The following RAPGEF1 variants were observed in gnomAD, a reference collection of about 807,000 sequenced individuals.
RAPGEF1 encodes the protein CRK SH3-binding GNRP.
A neutral mutation model predicts 143.3 loss-of-function variants in RAPGEF1; 33 were observed. The observed-to-expected ratio is 0.23, with a 90% CI of 0.17 to 0.31. The LOEUF is 0.31. Ranked by LOEUF, RAPGEF1 falls within the 10% of genes least tolerant of loss-of-function variation. The probability of loss-of-function intolerance (pLI) is 1.00; values close to 1 mark genes in which losing one functional copy is unlikely to be tolerated. For missense variants in RAPGEF1, 1,199 were observed against 1,645.4 expected (o/e 0.73, Z 4.69); for synonymous variants, 629 against 676.5 (o/e 0.93, Z 1.09).
At position 131,621,703 on chromosome 9, in the gene RAPGEF1, G is replaced by T; in HGVS notation, c.1905+93C>A. ...AACCAGGGCCCTGCCACAGCAGGGA[G>T]GAGGGTTAACCCTGCCCCCAAGGAG... On this transcript the variant is annotated intron_variant, in intron 11 of 26. Transcript: ENST00000683357. This position sits in a 1 kb window ranked among gnomAD's most constrained non-coding sequence, Gnocchi z 4.5. The T allele has an allele frequency of 7.7e-7, 1 of 1,306,484 alleles. No individual in the cohort carries two copies. The highest frequency in any genetic ancestry group is 1.1e-6 in the Non-Finnish European group (1 of 944,700). 80.9% of individuals were successfully genotyped at this position (1,306,484 alleles called of 1,614,324 possible).
chr9:131,699,146 C>T (rs554483133), intron 1 of RAPGEF1, among the ~76,000 whole-genome samples: 1 of 152,258 alleles, frequency 6.6e-6, no homozygotes, highest in South Asian at 2.1e-4. Context: ...TTCACTCCCG[C>T]TTTCAGCAAA....
chr9:131,625,873 T>C, intron 10 of RAPGEF1, 49 bp downstream of exon 10: 2 of 1,507,810 alleles, frequency 1.3e-6, no homozygotes, highest in Non-Finnish European at 1.8e-6. Context: ...CATACTGCCA[T>C]TTCAGGTTAT....
intron 22 of RAPGEF1, among the ~76,000 whole-genome samples, chr9:131,585,580 C>T (rs1003970672): frequency 3.9e-5 from 6 of 152,256 alleles, no homozygotes; most frequent in African/African-American, 1.2e-4. Context: ...GTGCAGCTTC[C>T]GTCTGCTTTA....
chr9:131,613,425 A>G (rs1958361966), intron 12 of RAPGEF1, among the ~76,000 whole-genome samples: 1 of 152,158 alleles, frequency 6.6e-6, no homozygotes, highest in South Asian at 2.1e-4. Flanking sequence ...ATGTGGCGAC[A>G]CTATAGTCTA....
At position 131,577,621 on chromosome 9, in the gene RAPGEF1, CAG is replaced by C. The variant is rs1951351877; in HGVS notation, c.*1874_*1875del. ...CTCACACGCGCACAGCAGCATTCAA[CAG>C]AGCTGGGCAAGGGAAGGGGAGAGAG... is the stretch of plus-strand genomic sequence containing the variant. On this transcript the variant is annotated 3_prime_UTR_variant, in exon 27 of 27. Transcript: ENST00000683357. 1 of 152,294 alleles carries C rather than the reference CAG, an allele frequency of 6.6e-6. No individual in the cohort carries two copies. The highest frequency in any genetic ancestry group is 1.5e-5 in the Non-Finnish European group (1 of 68,076). 9.4% of individuals were successfully genotyped at this position (152,294 alleles called of 1,614,324 possible).
chr9:131,723,188 C>T (rs539678371), intron 1 of RAPGEF1, among the ~76,000 whole-genome samples: 102 of 151,844 alleles, frequency 6.7e-4, no homozygotes, highest in African/African-American at 2.1e-3. Flanking sequence ...AGCGAGACTC[C>T]GTCTCAAATA....
intron 1 of RAPGEF1, among the ~76,000 whole-genome samples, chr9:131,677,052 G>A (rs1488564368): frequency 2.0e-5 from 3 of 152,124 alleles, no homozygotes; most frequent in South Asian, 4.1e-4. Flanking sequence ...CCTTCCTTAC[G>A]GCCTCCTATC....
chr9:131,661,719 T>C (rs1456742277), intron 1 of RAPGEF1, among the ~76,000 whole-genome samples: 1 of 152,198 alleles, frequency 6.6e-6, no homozygotes, highest in Admixed American at 6.5e-5. Context: ...GGAAATTCCA[T>C]TCCCTAAAAC....
At chr9:131,604,865 C>A in intron 13 of RAPGEF1, 66 bp downstream of exon 13, 7 of 1,217,030 alleles carry the variant, frequency 5.8e-6, no homozygotes, top group Non-Finnish European at 7.4e-6. Context: ...TTTTAAAAAA[C>A]GTGCAGCCCC....
intron 1 of RAPGEF1, among the ~76,000 whole-genome samples, chr9:131,665,022 AG>A (rs1261546993): frequency 1.3e-5 from 2 of 152,222 alleles, no homozygotes; most frequent in African/African-American, 2.4e-5. Flanking sequence ...TGAAGGAGCT[AG>A]GTGAAGGCTA....
intron 12 of RAPGEF1, among the ~76,000 whole-genome samples, chr9:131,605,464 C>A (rs1956971723): frequency 6.6e-6 from 1 of 152,198 alleles, no homozygotes; most frequent in Admixed American, 6.5e-5. Context: ...CAAGTGGCCA[C>A]ATGCTCTGCT....
chr9:131,683,729 T>C (rs1275513804), intron 1 of RAPGEF1, among the ~76,000 whole-genome samples: 1 of 152,254 alleles, frequency 6.6e-6, no homozygotes, highest in Non-Finnish European at 1.5e-5. Context: ...ATATTTCAGC[T>C]CAAAAAGCGG....
chr9:131,673,335 A>C (rs1333716690), intron 1 of RAPGEF1, among the ~76,000 whole-genome samples: 1 of 152,192 alleles, frequency 6.6e-6, no homozygotes, highest in African/African-American at 2.4e-5. Context: ...GTGTGTCCCA[A>C]ATCAGGGCTG....
At chr9:131,680,699 A>G (rs941919025) in intron 1 of RAPGEF1, among the ~76,000 whole-genome samples, 5 of 152,222 alleles carry the variant, frequency 3.3e-5, no homozygotes, top group African/African-American at 1.2e-4. Flanking sequence ...TAGTATCTAT[A>G]GAAACAATGC....
At chr9:131,702,392 C>G (rs1227776885) in intron 1 of RAPGEF1, among the ~76,000 whole-genome samples, 2 of 152,118 alleles carry the variant, frequency 1.3e-5, no homozygotes, top group African/African-American at 4.8e-5. Flanking sequence ...GAGTCAAGCC[C>G]AAAGCAAATG....
Position 131,579,354 on chromosome 9 carries a change from G to T in RAPGEF1, c.*143C>A, listed in dbSNP as rs561170505. 1.7e-6 allele frequency: 2 copies of T among 1,211,088 alleles called. No homozygotes were observed. Among genetic ancestry groups the T allele is most frequent in the Non-Finnish European group, 2.3e-6 (2 of 870,484 alleles). 75.0% of individuals were successfully genotyped at this position (1,211,088 alleles called of 1,614,324 possible). ...AAGCGGCTGGCAGGCTCCAGCTCCC[G>T]CCCGGCCCCGCTGAGGGCTGGCCAG... On this transcript the variant is annotated 3_prime_UTR_variant, in exon 27 of 27. Coordinates refer to ENST00000683357, the MANE Select transcript of RAPGEF1 (RefSeq NM_001377935.1).
chr9:131,721,260 G>A (rs184394711), intron 1 of RAPGEF1, among the ~76,000 whole-genome samples: 3 of 152,178 alleles, frequency 2.0e-5, no homozygotes, highest in Admixed American at 2.0e-4. Context: ...CATTTCGAAG[G>A]GGGTAGGGAG....
At chr9:131,716,005 C>T (rs1446463880) in intron 1 of RAPGEF1, among the ~76,000 whole-genome samples, 1 of 152,130 alleles carries the variant, frequency 6.6e-6, no homozygotes, top group Non-Finnish European at 1.5e-5. Context: ...CATTGCAGTG[C>T]TCTCCCACAG....
At chr9:131,688,644 G>A (rs1833548117) in intron 1 of RAPGEF1, among the ~76,000 whole-genome samples, 1 of 152,118 alleles carries the variant, frequency 6.6e-6, no homozygotes, top group Non-Finnish European at 1.5e-5. Flanking sequence ...TAAATAACAA[G>A]CCTGTGGCTG....
Sources: gnomAD v4.1 joint callset for allele counts (sites outside exome capture counted in the v4.1 genomes callset) on GRCh38, gnomAD v4.1.1 for gene constraint, Gnocchi (gnomAD v3.1) non-coding constraint, MANE v1.5 for transcripts, NCBI Gene and HGNC (gene_info 2026-07-23, HGNC 2026-07-21) for gene names.